Variants in TVP23A observed in about 807,000 individuals in gnomAD.
TVP23A encodes the protein trans-golgi network vesicle protein 23 homolog A, also known as Golgi apparatus membrane protein TVP23 homolog A.
Under a neutral mutation model 31.7 loss-of-function variants are expected in TVP23A, and 21 were observed. The ratio of observed to expected loss-of-function variants is 0.66; its 90% CI spans 0.47 to 0.95. The LOEUF (loss-of-function observed/expected upper bound fraction) is 0.95, where lower values mean the gene tolerates loss of function less well. Ranked by LOEUF, TVP23A falls within the 40% of genes least tolerant of loss-of-function variation. The probability of loss-of-function intolerance (pLI) is 0.00; values close to 1 mark genes in which losing one functional copy is unlikely to be tolerated. For missense variants in TVP23A, 279 were observed against 255.6 expected (o/e 1.09, Z -0.62); for synonymous variants, 104 against 96.0 (o/e 1.08, Z -0.49).
At chr16:10,762,875 G>T (rs368842753), downstream of TVP23A, among the ~76,000 whole-genome samples, 7 of 152,202 alleles carry the variant, frequency 4.6e-5, no homozygotes, top group African/African-American at 1.4e-4. Context: ...GCCACGTGGG[G>T]AGCCTTGGGG....
At chr16:10,762,683 C>T (rs1405759639), downstream of TVP23A, among the ~76,000 whole-genome samples, 1 of 152,186 alleles carries the variant, frequency 6.6e-6, no homozygotes, top group Non-Finnish European at 1.5e-5. Flanking sequence ...GTGCCGGCTG[C>T]ACCCATGCCT....
chr16:10,782,519 T>G (rs573629682), intron 2 of TVP23A, among the ~76,000 whole-genome samples: 1 of 152,238 alleles, frequency 6.6e-6, no homozygotes, highest in East Asian at 1.9e-4. Context: ...TTGTTTGTTT[T>G]TAAGACAGGG....
At chr16:10,762,772 G>T (rs781619186), downstream of TVP23A, among the ~76,000 whole-genome samples, 1 of 151,314 alleles carries the variant, frequency 6.6e-6, no homozygotes, top group Admixed American at 6.6e-5. Context: ...GGGGCCGGGC[G>T]GGTGAAGTAT....
At chr16:10,814,836 A>G (rs959215459) in intron 2 of TVP23A, among the ~76,000 whole-genome samples, 1 of 152,200 alleles carries the variant, frequency 6.6e-6, no homozygotes, top group Non-Finnish European at 1.5e-5. Context: ...TCAGTGGACA[A>G]TGCACCTCCA....
At position 10,771,656 on chromosome 16, in the gene TVP23A, C is replaced by G. The variant is rs771718620; in HGVS notation, c.582+14G>C. ...GGAGAGGAGTGGTCCAAGAGTCAGA[C>G]CTCAGTTACTCACCGTCTGGAACAC... is the stretch of plus-strand genomic sequence containing the variant. On this transcript the variant is annotated intron_variant, in intron 6 of 7. Transcript: ENST00000299866. 3.1e-6 allele frequency: 5 copies of G among 1,613,608 alleles called. No individual in the cohort carries two copies. The highest frequency in any genetic ancestry group is 4.5e-5 in the East Asian group (2 of 44,892).
chr16:10,770,906 C>T lies in TVP23A; in HGVS notation c.583-575G>A, dbSNP rs1251328562. Among the ~76,000 whole-genome samples, 9 of 137,150 alleles carry T rather than the reference C, an allele frequency of 6.6e-5. 1 individual carries two copies. Among genetic ancestry groups the T allele is most frequent in the African/African-American group, 2.6e-4 (9 of 34,424 alleles). 90.0% of individuals were successfully genotyped at this position (137,150 alleles called of 152,430 possible). On this transcript the variant is annotated intron_variant, in intron 6 of 7. Coordinates refer to ENST00000299866, the MANE Select transcript of TVP23A (RefSeq NM_001079512.4). ...AAAAAAAAAAAAAAAATTGAAAAAC[C>T]GTTTGTGACTCTTTCCTTAATTCTA...
intron 2 of TVP23A, among the ~76,000 whole-genome samples, chr16:10,776,762 T>C (rs1238104163): frequency 2.0e-5 from 3 of 152,304 alleles, no homozygotes; most frequent in African/African-American, 7.2e-5. Flanking sequence ...CCCATTTTTA[T>C]GGCTATTTCT....
Position 10,790,223 on chromosome 16 carries a change from G to T in TVP23A, c.90-15127C>A, listed in dbSNP as rs183027630. Reference sequence around the variant, plus strand: ...ACAGATGTAAATTTTCCCCCACAAAGAATGGCTTTGCAGGACCATTTCAAA... The same window carrying T: ...ACAGATGTAAATTTTCCCCCACAAATAATGGCTTTGCAGGACCATTTCAAA... On this transcript the variant is annotated intron_variant, in intron 2 of 7. Coordinates refer to ENST00000299866, the MANE Select transcript of TVP23A (RefSeq NM_001079512.4). Among the ~76,000 whole-genome samples, 342 of 151,590 alleles carry T rather than the reference G, an allele frequency of 2.3e-3. 2 individuals are homozygous for T. The Middle Eastern group carries it at 0.045, about 20-fold the overall frequency.
chr16:10,782,495 C>T (rs1238826995), intron 2 of TVP23A, among the ~76,000 whole-genome samples: 5 of 151,780 alleles, frequency 3.3e-5, no homozygotes, highest in Admixed American at 2.6e-4. Context: ...GTTTTGTTTT[C>T]GTTTTTGTTT....
chr16:10,758,781 G>A (rs920141736), downstream of TVP23A, among the ~76,000 whole-genome samples: 6 of 152,188 alleles, frequency 3.9e-5, no homozygotes, highest in African/African-American at 1.4e-4. Flanking sequence ...TGCAGATAGG[G>A]ATTTCGGGAT....
In TVP23A at chr16:10,767,956, T is replaced by A. The variant is rs747491057; in HGVS notation, c.*1146A>T. 1 of 1,614,172 alleles carries A rather than the reference T, an allele frequency of 6.2e-7. No individual in the cohort carries two copies. Among genetic ancestry groups the A allele is most frequent in the South Asian group, 1.1e-5 (1 of 91,078 alleles). ...GTTTGTTTCTTTTTTAAGGTAAGAA[T>A]TGTGACAAAGGCCAGTCTTTTTTCA... On this transcript the variant is annotated 3_prime_UTR_variant, in exon 8 of 8. Transcript: ENST00000299866. The surrounding 1 kb of genome is among the most constrained non-coding windows in gnomAD (Gnocchi z 4.6).
rs1335557660 is a variant in TVP23A at position 10,818,411 on chromosome 16, C to G, written c.9+74G>C. The stretch of plus-strand genomic sequence containing the variant: ...CCCCGGCGCATCCCTCCTCCTCCTC[C>G]CGGCTTCTCCAGCGCTCCCGCAGGC... On this transcript the variant is annotated intron_variant, in intron 1 of 7. Transcript: ENST00000299866. The surrounding 1 kb of genome is among the most constrained non-coding windows in gnomAD (Gnocchi z 4.7). 1.9e-6 allele frequency: 3 copies of G among 1,571,088 alleles called. No individual in the cohort carries two copies. Among genetic ancestry groups the G allele is most frequent in the Non-Finnish European group, 2.6e-6 (3 of 1,162,006 alleles).
At chr16:10,796,977 C>T (rs917786940) in intron 2 of TVP23A, among the ~76,000 whole-genome samples, 1 of 151,980 alleles carries the variant, frequency 6.6e-6, no homozygotes, top group East Asian at 1.9e-4. Context: ...GTGACTTGAG[C>T]CCAAGAATTC....
At chr16:10,808,733 C>T (rs1202413588) in intron 2 of TVP23A, 2 of 314,940 alleles carry the variant, frequency 6.4e-6, no homozygotes, top group Non-Finnish European at 1.3e-5. Context: ...GCCATGATTA[C>T]ACCACTGCAC....
intron 2 of TVP23A, among the ~76,000 whole-genome samples, chr16:10,784,879 T>A (rs2032652626): frequency 6.6e-6 from 1 of 151,732 alleles, no homozygotes; most frequent in Non-Finnish European, 1.5e-5. Context: ...GACAAGTGGA[T>A]CACCTGAGGT....
intron 2 of TVP23A, among the ~76,000 whole-genome samples, chr16:10,811,771 G>A (rs1428060685): frequency 1.3e-5 from 2 of 151,752 alleles, no homozygotes; most frequent in Non-Finnish European, 2.9e-5. Context: ...GGGCATGGTG[G>A]CTGGCACCTG....
rs2032161201 is a variant in TVP23A at position 10,777,916 on chromosome 16, CAGG to C, written c.90-2823_90-2821del. On this transcript the variant is annotated intron_variant, in intron 2 of 7. Transcript: ENST00000299866. The surrounding 1 kb of genome is among the most constrained non-coding windows in gnomAD (Gnocchi z 4.5). ...GTCCCAGCTACTCGGGACGCTGAGGCAGGAGAATTGCTTGAATCTGGGAGGCGG... is the reference window on the plus strand; with the variant it reads ...GTCCCAGCTACTCGGGACGCTGAGGCAGAATTGCTTGAATCTGGGAGGCGG... Among the ~76,000 whole-genome samples, 1 of 152,092 alleles carries C rather than the reference CAGG, an allele frequency of 6.6e-6. No individual in the cohort carries two copies. The highest frequency in any genetic ancestry group is 6.5e-5 in the Admixed American group (1 of 15,268).
chr16:10,790,660 C>T (rs972509843), intron 2 of TVP23A, among the ~76,000 whole-genome samples: 2 of 151,936 alleles, frequency 1.3e-5, no homozygotes, highest in Non-Finnish European at 2.9e-5. Flanking sequence ...AAGTAAGTCA[C>T]GATATATAGG....
intron 2 of TVP23A, among the ~76,000 whole-genome samples, chr16:10,788,934 G>T (rs1381500577): frequency 6.6e-6 from 1 of 152,166 alleles, no homozygotes; most frequent in Non-Finnish European, 1.5e-5. Flanking sequence ...GAACATGATG[G>T]CAATTAGGAG....
Sources: gnomAD v4.1 joint callset for allele counts (sites outside exome capture counted in the v4.1 genomes callset) on GRCh38, gnomAD v4.1.1 for gene constraint, Gnocchi (gnomAD v3.1) non-coding constraint, MANE v1.5 for transcripts, NCBI Gene and HGNC (gene_info 2026-07-23, HGNC 2026-07-21) for gene names.